The following SGCD variants were observed in gnomAD, a reference collection of about 807,000 sequenced individuals.
SGCD encodes the protein sarcoglycan delta, also known as delta-sarcoglycan.
In SGCD, 18 loss-of-function variants were observed where a neutral mutation model predicts 36.6. The observed-to-expected ratio is 0.49, with a 90% CI of 0.34 to 0.73. The LOEUF (loss-of-function observed/expected upper bound fraction) is 0.73. Ranked by LOEUF, SGCD falls within the 30% of genes least tolerant of loss-of-function variation. The pLI, the probability that SGCD is intolerant of heterozygous loss-of-function variation, is 0.01. For synonymous variants in SGCD, 133 were observed against 130.6 expected, an observed-to-expected ratio of 1.02 and a Z score of -0.12; for missense variants, 387 against 346.7, an observed-to-expected ratio of 1.12 and a Z score of -0.92.
At chr5:155,865,177 T>C in the SGCD span, among the ~76,000 whole-genome samples, 2 of 152,132 alleles carry the variant, frequency 1.3e-5, no homozygotes, top group Non-Finnish European at 1.5e-5. Context: ...TAAAAATTGA[T>C]GGATTCATTT....
chr5:155,833,259 T>C, the SGCD span, among the ~76,000 whole-genome samples: 1 of 152,010 alleles, frequency 6.6e-6, no homozygotes, highest in African/African-American at 2.4e-5. Flanking sequence ...TGAGATCTTC[T>C]AAAGTTCAGT....
intron 1 of SGCD, among the ~76,000 whole-genome samples, chr5:155,962,711 C>G (rs1757816309): frequency 6.6e-6 from 1 of 152,038 alleles, no homozygotes; most frequent in Admixed American, 6.6e-5. Context: ...AGAATAGGTG[C>G]CTGATTGAGC....
At chr5:156,214,323 A>C (rs1024649532) in intron 3 of SGCD, among the ~76,000 whole-genome samples, 1 of 152,006 alleles carries the variant, frequency 6.6e-6, no homozygotes, top group African/African-American at 2.4e-5. Context: ...AAACTTCTGA[A>C]AAATAAATCA....
intron 7 of SGCD, among the ~76,000 whole-genome samples, chr5:156,681,865 G>A (rs1290980921): frequency 6.6e-6 from 1 of 152,188 alleles, no homozygotes; most frequent in Admixed American, 6.5e-5. Flanking sequence ...TGATGAAAAA[G>A]TTCTAAGTTG....
intron 1 of SGCD, among the ~76,000 whole-genome samples, chr5:155,893,372 C>G (rs898190320): frequency 1.8e-4 from 28 of 152,172 alleles, no homozygotes; most frequent in Admixed American, 1.8e-3. Flanking sequence ...ATTGTAAACT[C>G]TGTTCTAAGT....
At chr5:156,329,447 T>C in intron 1 of SGCD, 87 bp from the exon 2 acceptor site, 1 of 893,230 alleles carries the variant, frequency 1.1e-6, no homozygotes, top group African/African-American at 1.7e-5. Flanking sequence ...TTTGTAAGAA[T>C]GGCATTGCCT....
At chr5:156,068,275 T>C (rs140658105) in intron 1 of SGCD, among the ~76,000 whole-genome samples, 33,466 of 150,540 alleles carry the variant, frequency 0.22, 4,343 homozygotes, top group African/African-American at 0.35. Flanking sequence ...CTCCCCCCTT[T>C]CCCCACCCCA....
intron 3 of SGCD, among the ~76,000 whole-genome samples, chr5:156,360,077 G>A (rs988391525): frequency 2.6e-5 from 4 of 152,098 alleles, no homozygotes; most frequent in Non-Finnish European, 5.9e-5. Flanking sequence ...AGACAGGGGC[G>A]GGTCCCCACT....
intron 3 of SGCD, among the ~76,000 whole-genome samples, chr5:156,129,861 A>G (rs527860134): frequency 2.0e-5 from 3 of 152,256 alleles, no homozygotes; most frequent in Admixed American, 6.5e-5. Flanking sequence ...TGGTGTATAT[A>G]TACAACATTT....
chr5:156,073,422 G>A (rs1161275213), intron 1 of SGCD, among the ~76,000 whole-genome samples: 1 of 152,112 alleles, frequency 6.6e-6, no homozygotes, highest in East Asian at 1.9e-4. Flanking sequence ...AGTTAGCTAG[G>A]AATGATGGTT....
intron 3 of SGCD, among the ~76,000 whole-genome samples, chr5:156,250,722 A>T (rs2127660577): frequency 6.6e-6 from 1 of 152,316 alleles, no homozygotes; most frequent in South Asian, 2.1e-4. Context: ...TTGTTTACAG[A>T]TTATTAACTG....
At chr5:155,728,247 G>A in the SGCD span, among the ~76,000 whole-genome samples, 2 of 152,062 alleles carry the variant, frequency 1.3e-5, no homozygotes, top group African/African-American at 4.8e-5. Flanking sequence ...CGGGACTCCG[G>A]CACGTGGGCG....
chr5:155,961,209 C>A lies in SGCD; in HGVS notation c.-282+90785C>A, dbSNP rs190293205. 1.1e-3 allele frequency among the ~76,000 whole-genome samples: 167 copies of A among 152,092 alleles called. 1 individual carries two copies. The highest frequency in any genetic ancestry group is 3.8e-3 in the African/African-American group (156 of 41,510). On this transcript the variant is annotated intron_variant, in intron 1 of 9. Transcript: ENST00000517913. The stretch of plus-strand genomic sequence containing the variant: ...AATAGTTAATATCTGTAGAATTATA[C>A]CCTGCTTAAAGAACAAAAATAAATA...
the SGCD span, among the ~76,000 whole-genome samples, chr5:155,804,949 C>T: frequency 6.6e-6 from 1 of 152,322 alleles, no homozygotes; most frequent in African/African-American, 2.4e-5. Flanking sequence ...CCCAATAGAA[C>T]TTTCTGCAGT....
chr5:156,314,163 AATCT>A (rs1344835902), intron 3 of SGCD, among the ~76,000 whole-genome samples: 1 of 152,008 alleles, frequency 6.6e-6, no homozygotes, highest in Non-Finnish European at 1.5e-5. Flanking sequence ...CAAAAGGCCA[AATCT>A]ATAGGAGGGT....
chr5:156,251,889 A>G (rs1260771709), intron 3 of SGCD, among the ~76,000 whole-genome samples: 1 of 152,086 alleles, frequency 6.6e-6, no homozygotes, highest in Non-Finnish European at 1.5e-5. Flanking sequence ...TAACTCCTCT[A>G]TAGTACTCCT....
intron 4 of SGCD, among the ~76,000 whole-genome samples, chr5:156,510,142 CA>C (rs1195115021): frequency 6.6e-6 from 1 of 152,264 alleles, no homozygotes; most frequent in Admixed American, 6.5e-5. Flanking sequence ...AGAGAGGGAA[CA>C]AGGATGTTAA....
intron 1 of SGCD, among the ~76,000 whole-genome samples, chr5:155,972,720 C>T (rs1251506405): frequency 1.3e-5 from 2 of 152,158 alleles, no homozygotes; most frequent in African/African-American, 4.8e-5. Context: ...CCCTACACTC[C>T]ACGCTAGCAC....
chr5:156,730,125 T>C (rs1433801423), intron 7 of SGCD, among the ~76,000 whole-genome samples: 2 of 152,306 alleles, frequency 1.3e-5, no homozygotes, highest in East Asian at 1.9e-4. Context: ...TACAAGTATA[T>C]AATTAGAATT....
Sources: gnomAD v4.1 joint callset for allele counts (sites outside exome capture counted in the v4.1 genomes callset) on GRCh38, gnomAD v4.1.1 for gene constraint, MANE v1.5 for transcripts, NCBI Gene and HGNC (gene_info 2026-07-23, HGNC 2026-07-21) for gene names.